TAX1BP1: variants seen among roughly 807,000 people sequenced by gnomAD.
TAX1BP1 encodes Tax1 binding protein 1.
TAX1BP1 carries 62 observed loss-of-function variants against 97.7 expected under a neutral mutation model. That is an observed-to-expected ratio of 0.63 (90% CI 0.52 to 0.78). TAX1BP1 has a LOEUF of 0.78. Ranked by LOEUF, TAX1BP1 falls within the 30% of genes least tolerant of loss-of-function variation. TAX1BP1 has a pLI of 0.00. For missense variants in TAX1BP1, 867 were observed against 916.1 expected (o/e 0.95, Z 0.69); for synonymous variants, 340 against 304.2 (o/e 1.12, Z -1.23).
intron 5 of TAX1BP1, chr7:27,772,421 A>G (rs1169228701): frequency 6.6e-6 from 1 of 152,044 alleles, no homozygotes; most frequent in Non-Finnish European, 1.5e-5. Flanking sequence ...AATTTCATTT[A>G]AAGTTTTGTA....
chr7:27,739,655 A>G (rs1010687515), upstream of TAX1BP1: 2 of 152,326 alleles, frequency 1.3e-5, no homozygotes, highest in Admixed American at 1.3e-4. Context: ...TTCAGTGAAC[A>G]AAACTTCATA....
chr7:27,796,491 G>T (rs1789938296), intron 12 of TAX1BP1, among the ~76,000 whole-genome samples: 1 of 152,178 alleles, frequency 6.6e-6, no homozygotes, highest in Non-Finnish European at 1.5e-5. Flanking sequence ...GTTAATTGAG[G>T]TTAGAAATTA....
At chr7:27,780,385 T>TAC (rs1331180674) in intron 5 of TAX1BP1, among the ~76,000 whole-genome samples, 1 of 152,238 alleles carries the variant, frequency 6.6e-6, no homozygotes, top group Non-Finnish European at 1.5e-5. Flanking sequence ...TTTGATAAAC[T>TAC]ACTTAACTTC....
chr7:27,821,689 A>G (rs932213589), intron 15 of TAX1BP1, among the ~76,000 whole-genome samples: 4 of 151,998 alleles, frequency 2.6e-5, no homozygotes, highest in Non-Finnish European at 5.9e-5. Flanking sequence ...TATAATTCAC[A>G]TATTATACAA....
At chr7:27,769,953 A>C (rs1253317020) in intron 5 of TAX1BP1, 119 bp downstream of exon 5, 2 of 905,524 alleles carry the variant, frequency 2.2e-6, no homozygotes, top group East Asian at 5.2e-5. Flanking sequence ...GTAGCCTTTT[A>C]GATAGACGTT....
intron 4 of TAX1BP1, among the ~76,000 whole-genome samples, chr7:27,768,499 T>C (rs1788725529): frequency 6.6e-6 from 1 of 151,992 alleles, no homozygotes; most frequent in Non-Finnish European, 1.5e-5. Flanking sequence ...GGTGATTCTT[T>C]TATAAAGTCT....
chr7:27,750,167 G>C (rs1159915558), intron 2 of TAX1BP1, among the ~76,000 whole-genome samples: 1 of 152,136 alleles, frequency 6.6e-6, no homozygotes, highest in South Asian at 2.1e-4. Context: ...GTTTTCTGTA[G>C]TAACAGAGCA....
At chr7:27,760,170 A>C (rs771307886) in intron 3 of TAX1BP1, among the ~76,000 whole-genome samples, 6 of 151,776 alleles carry the variant, frequency 4.0e-5, no homozygotes, top group Non-Finnish European at 5.9e-5. Flanking sequence ...CTTTAAAATG[A>C]AACCCCAAAT....
rs200199050 is a variant in TAX1BP1 at position 27,772,872 on chromosome 7, TC to T, written c.612+3042del. ...GAAACAATAAATTACATATTGTATT[TC>T]CCCTAGATTTTTGTGGTATCTACTT... On this transcript the variant is annotated intron_variant, in intron 5 of 16. Coordinates refer to ENST00000396319, the MANE Select transcript of TAX1BP1 (RefSeq NM_006024.7). Among the ~76,000 whole-genome samples, 369 of 152,218 alleles carry T rather than the reference TC, an allele frequency of 2.4e-3. 14 individuals are homozygous for T. In the East Asian group the frequency reaches 0.048, roughly 20 times the overall value.
intron 8 of TAX1BP1, among the ~76,000 whole-genome samples, chr7:27,790,819 C>T (rs1446400262): frequency 6.6e-6 from 1 of 152,042 alleles, no homozygotes; most frequent in Non-Finnish European, 1.5e-5. Flanking sequence ...TGTGAATGTG[C>T]CAGTTGCCCT....
At chr7:27,768,000 CAT>C (rs1562708856) in intron 4 of TAX1BP1, among the ~76,000 whole-genome samples, 1 of 151,782 alleles carries the variant, frequency 6.6e-6, no homozygotes, top group Non-Finnish European at 1.5e-5. Context: ...ATTAGTGAGA[CAT>C]AATTTTGCAA....
chr7:27,764,619 C>A (rs1201983126), intron 3 of TAX1BP1, among the ~76,000 whole-genome samples: 1 of 152,040 alleles, frequency 6.6e-6, no homozygotes, highest in Non-Finnish European at 1.5e-5. Context: ...TATGAGGGAG[C>A]TACTTTGAGA....
chr7:27,809,196 C>T (rs1052742749), intron 13 of TAX1BP1, among the ~76,000 whole-genome samples: 4 of 151,852 alleles, frequency 2.6e-5, no homozygotes, highest in Admixed American at 6.6e-5. Context: ...AAATGTAATT[C>T]GAAACAAATG....
rs78742064 is a variant in TAX1BP1, at chr7:27,783,630, T to A, written c.613-1533T>A. On this transcript the variant is annotated intron_variant, in intron 5 of 16. Coordinates refer to ENST00000396319, the MANE Select transcript of TAX1BP1 (RefSeq NM_006024.7). ...GATTTTTTTCTCTTTTCCTATGCAT[T>A]TTGTAGAATGCTGTATACCCGTTAT... Among the ~76,000 whole-genome samples, 404 of 152,316 alleles carry A rather than the reference T, an allele frequency of 2.7e-3. 5 individuals are homozygous for A. The highest frequency in any genetic ancestry group is 9.5e-3 in the African/African-American group (394 of 41,562).
intron 1 of TAX1BP1, among the ~76,000 whole-genome samples, chr7:27,745,924 A>G (rs1467890328): frequency 7.9e-5 from 12 of 152,122 alleles, no homozygotes; most frequent in South Asian, 2.1e-4. Context: ...CTTTTGATGC[A>G]TTTGTAAACA....
At chr7:27,762,882 G>T (rs983881176) in intron 3 of TAX1BP1, among the ~76,000 whole-genome samples, 1 of 152,188 alleles carries the variant, frequency 6.6e-6, no homozygotes, top group African/African-American at 2.4e-5. Context: ...GAGCCCAGGA[G>T]GCTGGGGTTG....
intron 3 of TAX1BP1, 94 bp from the exon 4 acceptor site, chr7:27,765,740 G>T: frequency 9.3e-7 from 1 of 1,075,468 alleles, no homozygotes; most frequent in Non-Finnish European, 1.4e-6. Flanking sequence ...CAAGAACAGT[G>T]TGGGGAATGA....
Position 27,794,443 on chromosome 7 carries a change from G to A in TAX1BP1, c.1531G>A (p.Ala511Thr). 6.2e-7 allele frequency: 1 copy of A among 1,602,412 alleles called. No homozygotes were observed. Among genetic ancestry groups the A allele is most frequent in the Non-Finnish European group, 8.5e-7 (1 of 1,174,470 alleles). ...TGTAGATGTAAAGCCATCACCTTCT[G>A]CAGGTAAAAATCTTTTAGACTTTTT... The part of the protein sequence containing the change: ...STVDVKPSPS[A>T]AEADFDIVTK... The change falls in exon 11 of 17, where the codon GCA (alanine) becomes ACA (threonine). Residue 511 changes from alanine (A) to threonine (T), a missense_variant. Ala to Thr is a moderately conservative substitution (Grantham distance 58). This residue lies in a region of TAX1BP1 where 822 missense variants were observed against 851.4 expected (regional missense o/e 0.97). Transcript: ENST00000396319.
intron 2 of TAX1BP1, 25 bp from the exon 3 acceptor site, chr7:27,758,006 C>T (rs369589903): frequency 5.6e-5 from 85 of 1,522,418 alleles, no homozygotes; most frequent in East Asian, 9.1e-5. Context: ...CTTATAAATC[C>T]GCCTTTTTTG....
Sources: allele counts gnomAD v4.1 joint callset (sites outside exome capture counted in the v4.1 genomes callset), GRCh38; gene constraint gnomAD v4.1.1; regional missense constraint gnomAD v4.1.1; transcripts MANE v1.5; gene names NCBI Gene and HGNC (gene_info 2026-07-23, HGNC 2026-07-21).